KCNB2: variants seen among roughly 807,000 people sequenced by gnomAD.
KCNB2 encodes potassium voltage-gated channel subfamily B member 2, also known as delayed rectifier potassium channel protein.
KCNB2 carries 15 observed loss-of-function variants against 61.5 expected under a neutral mutation model. The observed-to-expected ratio is 0.24, with a 90% CI of 0.16 to 0.38. The LOEUF is 0.38. KCNB2 is among the 10% of genes least tolerant of loss of function. The pLI is 1.00. For synonymous variants in KCNB2, 457 were observed against 446.0 expected (o/e 1.02, Z -0.31); for missense variants, 828 against 1,125.2 (o/e 0.74, Z 3.78).
At chr8:72,632,715 T>C (rs905644607) in intron 2 of KCNB2, among the ~76,000 whole-genome samples, 1 of 152,162 alleles carries the variant, frequency 6.6e-6, no homozygotes, top group East Asian at 1.9e-4. Flanking sequence ...TAATTAGAAG[T>C]CAGAACCAAT....
At chr8:72,699,788 G>A (rs769699960) in intron 2 of KCNB2, among the ~76,000 whole-genome samples, 6 of 151,964 alleles carry the variant, frequency 3.9e-5, no homozygotes, top group Admixed American at 6.6e-5. Context: ...AATTTGTGGC[G>A]ATTCCTCAAG....
In KCNB2 at chr8:72,836,825, C is replaced by G. The variant is rs184795145; in HGVS notation, c.580-99110C>G. Among the ~76,000 whole-genome samples the G allele has an allele frequency of 4.9e-3, 753 of 152,218 alleles. 8 individuals carry two copies. The highest frequency in any genetic ancestry group is 0.017 in the African/African-American group (718 of 41,530). ...ACTTAGGGGGATGTGGTAGGAGAAT[C>G]CTGGAACCCAGGAAGTTGAAACTGC... On this transcript the variant is annotated intron_variant, in intron 2 of 2. Coordinates refer to ENST00000523207, the MANE Select transcript of KCNB2 (RefSeq NM_004770.3).
intron 2 of KCNB2, among the ~76,000 whole-genome samples, chr8:72,925,508 G>A (rs945494356): frequency 4.6e-5 from 7 of 152,142 alleles, no homozygotes; most frequent in African/African-American, 1.2e-4. Context: ...ATGAACTGTT[G>A]TTTAAAAGAG....
intron 2 of KCNB2, among the ~76,000 whole-genome samples, chr8:72,702,895 T>C (rs1274868852): frequency 6.6e-6 from 1 of 152,168 alleles, no homozygotes; most frequent in African/African-American, 2.4e-5. Context: ...CCACTCCCCG[T>C]GGCATGTCTT....
intron 2 of KCNB2, among the ~76,000 whole-genome samples, chr8:72,600,434 G>A (rs1807277723): frequency 6.6e-6 from 1 of 152,002 alleles, no homozygotes; most frequent in South Asian, 2.1e-4. Flanking sequence ...CACACACTGG[G>A]GCCTGTTGTG....
rs982566734 is a variant in KCNB2, at chr8:72,778,857, A to G, written c.580-157078A>G. Among the ~76,000 whole-genome samples, 3 of 151,906 alleles carry G rather than the reference A, an allele frequency of 2.0e-5. 1 individual carries two copies. On this transcript the variant is annotated intron_variant, in intron 2 of 2. Coordinates refer to ENST00000523207, the MANE Select transcript of KCNB2 (RefSeq NM_004770.3). ...TCGAGATATCAGAGTCATATATTAT[A>G]TCCCAACACAACCTCGTAGCCTCAT...
At chr8:72,794,564 CAA>C (rs397892520) in intron 2 of KCNB2, among the ~76,000 whole-genome samples, 3,547 of 56,562 alleles carry the variant, frequency 0.063, 26 homozygotes, top group African/African-American at 0.12. Flanking sequence ...GACTCCATCT[CAA>C]AAAAAAAAAA....
chr8:72,609,403 A>G (rs2128983178), intron 2 of KCNB2, among the ~76,000 whole-genome samples: 1 of 152,234 alleles, frequency 6.6e-6, no homozygotes, highest in African/African-American at 2.4e-5. Flanking sequence ...CTTCTTTTTC[A>G]AGAAGTTCCG....
chr8:72,721,375 C>T (rs746161058), intron 2 of KCNB2, among the ~76,000 whole-genome samples: 1 of 152,194 alleles, frequency 6.6e-6, no homozygotes, highest in Admixed American at 6.5e-5. Flanking sequence ...AAAATAGAAG[C>T]GTCATGAGGA....
At chr8:72,588,902 A>C (rs1807044412) in intron 2 of KCNB2, among the ~76,000 whole-genome samples, 1 of 152,118 alleles carries the variant, frequency 6.6e-6, no homozygotes, top group Admixed American at 6.5e-5. Context: ...TCTCAAAAAC[A>C]AGAACAACAA....
intron 2 of KCNB2, among the ~76,000 whole-genome samples, chr8:72,757,530 GA>G (rs1360739970): frequency 6.6e-6 from 1 of 152,084 alleles, no homozygotes; most frequent in Non-Finnish European, 1.5e-5. Context: ...GAAACTCCAA[GA>G]GAGAGATGGG....
chr8:72,798,437 T>C (rs192743771), intron 2 of KCNB2, among the ~76,000 whole-genome samples: 1 of 152,300 alleles, frequency 6.6e-6, no homozygotes, highest in African/African-American at 2.4e-5. Flanking sequence ...CTCAGCATAA[T>C]GCCTTGCTCA....
intron 2 of KCNB2, among the ~76,000 whole-genome samples, chr8:72,838,381 T>C: frequency 6.6e-6 from 1 of 152,196 alleles, no homozygotes; most frequent in Admixed American, 6.5e-5. Context: ...TCTGTCCTTG[T>C]GATAGTTTGC....
chr8:72,556,189 C>G (rs1168104942), intron 1 of KCNB2, among the ~76,000 whole-genome samples: 4 of 152,044 alleles, frequency 2.6e-5, no homozygotes, highest in African/African-American at 7.2e-5. Flanking sequence ...AGTTCATGTT[C>G]CTCACCAAAT....
chr8:72,917,342 G>A (rs1251598932), intron 2 of KCNB2, among the ~76,000 whole-genome samples: 1 of 152,150 alleles, frequency 6.6e-6, no homozygotes, highest in African/African-American at 2.4e-5. Context: ...TTGACTAAAA[G>A]TAATCATTAA....
At chr8:72,839,515 C>G (rs1026668415) in intron 2 of KCNB2, among the ~76,000 whole-genome samples, 4 of 150,840 alleles carry the variant, frequency 2.7e-5, no homozygotes, top group African/African-American at 7.3e-5. Flanking sequence ...CCTACAGGTG[C>G]TATAGAATAT....
intron 2 of KCNB2, among the ~76,000 whole-genome samples, chr8:72,657,679 G>C (rs983626971): frequency 6.6e-6 from 1 of 152,126 alleles, no homozygotes; most frequent in South Asian, 2.1e-4. Context: ...AACTAAATGA[G>C]AGGAAATTCG....
rs750155750 is a variant in KCNB2, at chr8:72,567,782, G to A, written c.48G>A (p.Ser16=). The part of the protein sequence containing the change: ...PPGLNRKTSR[S]TLSLPPEPVD... ...GCTTAAACAGGAAGACTTCAAGGTC[G>A]ACACTTTCCCTTCCTCCAGAGCCTG... Residue 16 remains serine, a synonymous_variant, in exon 2 of 3, where the codon TCG becomes TCA. Transcript: ENST00000523207. 3 of 1,607,538 alleles carry A rather than the reference G, an allele frequency of 1.9e-6. No homozygotes were observed. The highest frequency in any genetic ancestry group is 1.7e-5 in the Admixed American group (1 of 58,968).
intron 1 of KCNB2, among the ~76,000 whole-genome samples, chr8:72,548,820 C>A (rs1434155441): frequency 6.6e-6 from 1 of 152,026 alleles, no homozygotes; most frequent in East Asian, 1.9e-4. Context: ...TGTTTCATTC[C>A]TTTGTTCATG....
Sources: gnomAD v4.1 joint callset for allele counts (sites outside exome capture counted in the v4.1 genomes callset) on GRCh38, gnomAD v4.1.1 for gene constraint, MANE v1.5 for transcripts, NCBI Gene and HGNC (gene_info 2026-07-23, HGNC 2026-07-21) for gene names.